EPOP: variants seen among roughly 807,000 people sequenced by gnomAD.
The protein encoded by EPOP is elongin BC and polycomb repressive complex 2 associated protein.
In EPOP, 14 loss-of-function variants were observed where a neutral mutation model predicts 18.2. That is an observed-to-expected ratio of 0.77 (90% CI 0.51 to 1.20). The LOEUF (loss-of-function observed/expected upper bound fraction) is 1.20. Ranked by LOEUF, EPOP falls within the 50% of genes most tolerant of loss-of-function variation. The pLI is 0.00. For missense variants in EPOP, 527 were observed against 577.2 expected (o/e 0.91, Z 0.89); for synonymous variants, 252 against 274.9 (o/e 0.92, Z 0.83).
In EPOP at chr17:38,674,317, G is replaced by C; in HGVS notation, c.179C>G (p.Pro60Arg). The change falls in exon 1 of 1, where the codon CCT becomes CGT. Residue 60 changes from proline (P) to arginine (R), a missense_variant. Physicochemically the swap from Pro to Arg is moderately radical, Grantham distance 103 (BLOSUM62 -2). Transcript: ENST00000621654. The surrounding 1 kb of genome is among the most constrained non-coding windows in gnomAD (Gnocchi z 4.5). ...TGGGGACCGCGCCGCCAGCTCCCCA[G>C]GCCCCGGGCCCAGAGAGGACGCCCG... ...KPRASSLGPG[P>R]GELAARSPVL... The C allele has an allele frequency of 1.3e-6, 2 of 1,531,936 alleles. No individual in the cohort carries two copies. Among genetic ancestry groups the C allele is most frequent in the South Asian group, 1.2e-5 (1 of 83,044 alleles). 94.9% of individuals were successfully genotyped at this position (1,531,936 alleles called of 1,614,324 possible).
In EPOP at chr17:38,674,332, G is replaced by T; in HGVS notation, c.164C>A (p.Ser55Tyr). The change falls in exon 1 of 1, where the codon TCT becomes TAT. Residue 55 changes from serine to tyrosine, a missense_variant. Physicochemically the swap from Ser to Tyr is moderately radical, Grantham distance 144. Transcript: ENST00000621654. This position sits in a 1 kb window ranked among gnomAD's most constrained non-coding sequence, Gnocchi z 4.5. ...CAGCTCCCCAGGCCCCGGGCCCAGA[G>T]AGGACGCCCGGGGCTTGGCAAGGGC... ...FCALAKPRAS[S>Y]LGPGPGELAA... 2.6e-6 allele frequency: 4 copies of T among 1,537,796 alleles called. No homozygotes were observed. The highest frequency in any genetic ancestry group is 3.5e-6 in the Non-Finnish European group (4 of 1,144,992).
rs1422955524 is a variant in EPOP at position 38,673,590 on chromosome 17, GCGGCGGGGC to G, written c.897_905del (p.Gln299_Arg302delinsHis). On this transcript the variant is annotated inframe_deletion, in exon 1 of 1. Coordinates refer to ENST00000621654, the MANE Select transcript of EPOP (RefSeq NM_001130677.2). Reference sequence around the variant, plus strand: ...TCGTGGTGGGGAGCGTCGGTGCAGGGCGGCGGGGCTGCGCGGTGCGCGGAGGGGGCGCCG... The same window carrying G: ...TCGTGGTGGGGAGCGTCGGTGCAGGGTGCGCGGTGCGCGGAGGGGGCGCCG... The G allele has an allele frequency of 5.5e-5, 82 of 1,479,114 alleles. No homozygotes were observed. Among genetic ancestry groups the G allele is most frequent in the Non-Finnish European group, 6.6e-5 (74 of 1,118,794 alleles). 91.6% of individuals were successfully genotyped at this position (1,479,114 alleles called of 1,614,324 possible). A position where few individuals can be genotyped will look rare whatever the true frequency, so the allele number is the denominator to read the frequency against.
At position 38,673,452 on chromosome 17, in the gene EPOP, C is replaced by CGGGGG; in HGVS notation, c.1039_1043dup (p.Ala350ArgfsTer75). ...GCCACCTCCACAGCGGGTGGGCGGG[C>CGGGGG]GGGGGCTTAGAGTCTCCCTGGAGGC... On this transcript the variant is annotated frameshift_variant, in exon 1 of 1. Coordinates refer to ENST00000621654, the MANE Select transcript of EPOP (RefSeq NM_001130677.2). LOFTEE classifies it high-confidence loss of function. 1 of 535,570 alleles carries CGGGGG rather than the reference C, an allele frequency of 1.9e-6. No individual in the cohort carries two copies. 33.2% of individuals were successfully genotyped at this position (535,570 alleles called of 1,614,324 possible).
In EPOP at chr17:38,673,826, C is replaced by T. The variant is rs1035221389; in HGVS notation, c.670G>A (p.Ala224Thr). The change falls in exon 1 of 1, where the codon GCG becomes ACG. Residue 224 changes from alanine to threonine, a missense_variant. Coordinates refer to ENST00000621654, the MANE Select transcript of EPOP (RefSeq NM_001130677.2). ...NPPPAAPEAP[A>T]ASPSTASPAP... The stretch of plus-strand genomic sequence containing the variant: ...GGGCTGGCCGTCGAGGGGCTGGCCG[C>T]TGGAGCCTCGGGGGCGGCCGGCGGG... 1 of 1,497,724 alleles carries T rather than the reference C, an allele frequency of 6.7e-7. No individual in the cohort carries two copies. Among genetic ancestry groups the T allele is most frequent in the African/African-American group, 1.5e-5 (1 of 68,362 alleles). 92.8% of individuals were successfully genotyped at this position (1,497,724 alleles called of 1,614,324 possible). A position where few individuals can be genotyped will look rare whatever the true frequency, so the allele number is the denominator to read the frequency against.
In EPOP at chr17:38,673,056, G is replaced by A; in HGVS notation, c.*300C>T. The A allele has an allele frequency of 2.8e-6, 1 of 355,640 alleles. No homozygotes were observed. The highest frequency in any genetic ancestry group is 1.0e-4 in the South Asian group (1 of 9,810). The allele number at this position is 355,640 out of a possible 1,614,324, so 22.0% of individuals were successfully genotyped here. ...GTGTCTTTGAGCGGTGGCCTCCTTTGCTCCCACTGGGGTGCAGGCCCTGCC... is the reference window on the plus strand; with the variant it reads ...GTGTCTTTGAGCGGTGGCCTCCTTTACTCCCACTGGGGTGCAGGCCCTGCC... On this transcript the variant is annotated 3_prime_UTR_variant, in exon 1 of 1. Transcript: ENST00000621654.
At position 38,673,132 on chromosome 17, in the gene EPOP, C is replaced by G. The variant is rs961795271; in HGVS notation, c.*224G>C. On this transcript the variant is annotated 3_prime_UTR_variant, in exon 1 of 1. Coordinates refer to ENST00000621654, the MANE Select transcript of EPOP (RefSeq NM_001130677.2). ...CAGGGATTGGAATCTATGTCATCAG[C>G]CTTCTCCCGACTCCAGCCCTGGGTT... 6 of 654,164 alleles carry G rather than the reference C, an allele frequency of 9.2e-6. No homozygotes were observed. Among genetic ancestry groups the G allele is most frequent in the Admixed American group, 8.2e-5 (2 of 24,264 alleles). 40.5% of individuals were successfully genotyped at this position (654,164 alleles called of 1,614,324 possible).
rs1299428212 is a variant in EPOP at position 38,672,968 on chromosome 17, A to C, written c.*388T>G. 1.8e-5 allele frequency: 3 copies of C among 170,942 alleles called. No homozygotes were observed. The highest frequency in any genetic ancestry group is 3.7e-5 in the Non-Finnish European group (3 of 81,114). The allele number at this position is 170,942 out of a possible 1,614,324, so 10.6% of individuals were successfully genotyped here. A position where few individuals can be genotyped will look rare whatever the true frequency, so the allele number is the denominator to read the frequency against. On this transcript the variant is annotated 3_prime_UTR_variant, in exon 1 of 1. Coordinates refer to ENST00000621654, the MANE Select transcript of EPOP (RefSeq NM_001130677.2). ...GCACCCCAGGCTCGCCCACAGACAC[A>C]GTAACAACCGGTTTGTCCATCACCG...
chr17:38,672,190 C>CAA lies in EPOP; in HGVS notation c.*1165_*1166insTT, dbSNP rs1910967241. 2 of 152,314 alleles carry CAA rather than the reference C, an allele frequency of 1.3e-5. No individual in the cohort carries two copies. Among genetic ancestry groups the CAA allele is most frequent in the Non-Finnish European group, 2.9e-5 (2 of 68,118 alleles). The allele number at this position is 152,314 out of a possible 1,614,324, so 9.4% of individuals were successfully genotyped here. ...CTGACAACTCCCGCAATCCCTGAGG[C>CAA]TGGGGTGTTGCGGGGGGAAGCTTAA... On this transcript the variant is annotated 3_prime_UTR_variant, in exon 1 of 1. Coordinates refer to ENST00000621654, the MANE Select transcript of EPOP (RefSeq NM_001130677.2).
chr17:38,673,841 C>T lies in EPOP; in HGVS notation c.655G>A (p.Ala219Thr). The T allele has an allele frequency of 1.3e-6, 2 of 1,486,096 alleles. No individual in the cohort carries two copies. Among genetic ancestry groups the T allele is most frequent in the Non-Finnish European group, 1.8e-6 (2 of 1,117,800 alleles). 92.1% of individuals were successfully genotyped at this position (1,486,096 alleles called of 1,614,324 possible). ...AEVDGNPPPAAPEAPAASPST... is the reference protein window; with the variant it reads ...AEVDGNPPPATPEAPAASPST... ...GGGCTGGCCGCTGGAGCCTCGGGGGCGGCCGGCGGGGGGTTTCCATCGACT... is the reference window on the plus strand; with the variant it reads ...GGGCTGGCCGCTGGAGCCTCGGGGGTGGCCGGCGGGGGGTTTCCATCGACT... The change falls in exon 1 of 1, where the codon GCC becomes ACC. Residue 219 changes from alanine to threonine, a missense_variant. Coordinates refer to ENST00000621654, the MANE Select transcript of EPOP (RefSeq NM_001130677.2).
In EPOP at chr17:38,673,462, G is replaced by A; in HGVS notation, c.1034C>T (p.Ser345Phe). 6.5e-7 allele frequency: 1 copy of A among 1,536,178 alleles called. No homozygotes were observed. The highest frequency in any genetic ancestry group is 8.8e-7 in the Non-Finnish European group (1 of 1,141,730). The change falls in exon 1 of 1, where the codon TCT becomes TTT. Residue 345 changes from serine (S) to phenylalanine (F), a missense_variant. Coordinates refer to ENST00000621654, the MANE Select transcript of EPOP (RefSeq NM_001130677.2). Reference sequence around the variant, plus strand: ...CAGCGGGTGGGCGGGCGGGGGCTTAGAGTCTCCCTGGAGGCGAAGCGAGGA... The same window carrying A: ...CAGCGGGTGGGCGGGCGGGGGCTTAAAGTCTCCCTGGAGGCGAAGCGAGGA... Reference protein sequence around the residue: ...PASSLRLQGDSKPPPAHPLWR... With the variant: ...PASSLRLQGDFKPPPAHPLWR...
Position 38,674,743 on chromosome 17 carries a change from T to G in EPOP, c.-248A>C. On this transcript the variant is annotated 5_prime_UTR_variant, in exon 1 of 1. Transcript: ENST00000621654. This position sits in a 1 kb window ranked among gnomAD's most constrained non-coding sequence, Gnocchi z 4.5. ...GTCCCGGCGGGGTCGGCCGCCCTTC[T>G]GCCGCCGCGTCCCCTTCGCAACCCC... is the stretch of plus-strand genomic sequence containing the variant. 2.9e-6 allele frequency: 1 copy of G among 348,428 alleles called. No individual in the cohort carries two copies. Among genetic ancestry groups the G allele is most frequent in the Non-Finnish European group, 5.1e-6 (1 of 195,202 alleles). The allele number at this position is 348,428 out of a possible 1,614,324, so 21.6% of individuals were successfully genotyped here. A position where few individuals can be genotyped will look rare whatever the true frequency, so the allele number is the denominator to read the frequency against.
chr17:38,674,381 A>G lies in EPOP; in HGVS notation c.115T>C (p.Cys39Arg). 6.5e-7 allele frequency: 1 copy of G among 1,543,766 alleles called. No homozygotes were observed. Among genetic ancestry groups the G allele is most frequent in the Non-Finnish European group, 8.7e-7 (1 of 1,146,222 alleles). The change falls in exon 1 of 1, where the codon TGC becomes CGC. Residue 39 changes from cysteine to arginine, a missense_variant. Coordinates refer to ENST00000621654, the MANE Select transcript of EPOP (RefSeq NM_001130677.2). This position sits in a 1 kb window ranked among gnomAD's most constrained non-coding sequence, Gnocchi z 4.5. Reference sequence around the variant, plus strand: ...GCGCAGAAGGCGAGGGCACGCAGGCACAGCGGAGAGAATTCCTGGGTCCCC... The same window carrying G: ...GCGCAGAAGGCGAGGGCACGCAGGCGCAGCGGAGAGAATTCCTGGGTCCCC... ...CRGTQEFSPL[C>R]LRALAFCALA... is the part of the protein sequence containing the mutation.
Position 38,674,618 on chromosome 17 carries a change from C to G in EPOP, c.-123G>C. 1.9e-6 allele frequency: 2 copies of G among 1,029,838 alleles called. No homozygotes were observed. The highest frequency in any genetic ancestry group is 2.6e-6 in the Non-Finnish European group (2 of 759,882). The allele number at this position is 1,029,838 out of a possible 1,614,324, so 63.8% of individuals were successfully genotyped here. On this transcript the variant is annotated 5_prime_UTR_variant, in exon 1 of 1. Coordinates refer to ENST00000621654, the MANE Select transcript of EPOP (RefSeq NM_001130677.2). The surrounding 1 kb of genome is among the most constrained non-coding windows in gnomAD (Gnocchi z 4.5). Reference sequence around the variant, plus strand: ...CCGTCGACGGGGAGGTCTCTGCTCACGGGCGCCCCCGGCCCGCCACCCGGG... The same window carrying G: ...CCGTCGACGGGGAGGTCTCTGCTCAGGGGCGCCCCCGGCCCGCCACCCGGG...
In EPOP at chr17:38,674,413, G is replaced by A. The variant is rs953824250; in HGVS notation, c.83C>T (p.Pro28Leu). The change falls in exon 1 of 1, where the codon CCG (proline) becomes CTG (leucine). Residue 28 changes from proline to leucine, a missense_variant. Transcript: ENST00000621654. This position sits in a 1 kb window ranked among gnomAD's most constrained non-coding sequence, Gnocchi z 4.5. The part of the protein sequence containing the change: ...GSPCSPTPRK[P>L]CRGTQEFSPL... ...AGAGAATTCCTGGGTCCCCCGACAC[G>A]GCTTCCGGGGCGTGGGGGAGCAGGG... 6.5e-7 allele frequency: 1 copy of A among 1,542,926 alleles called. No homozygotes were observed. The highest frequency in any genetic ancestry group is 2.0e-5 in the Admixed American group (1 of 50,916).
In EPOP at chr17:38,672,302, A is replaced by G. The variant is rs1289058711; in HGVS notation, c.*1054T>C. 1 of 152,068 alleles carries G rather than the reference A, an allele frequency of 6.6e-6. No homozygotes were observed. Among genetic ancestry groups the G allele is most frequent in the Non-Finnish European group, 1.5e-5 (1 of 68,040 alleles). The allele number at this position is 152,068 out of a possible 1,614,324, so 9.4% of individuals were successfully genotyped here. The stretch of plus-strand genomic sequence containing the variant: ...TTGAAGTTAGGCCAAGAGTCCTTTC[A>G]TTTACCACCTCTGCAAAGTGCAGCT... On this transcript the variant is annotated 3_prime_UTR_variant, in exon 1 of 1. Coordinates refer to ENST00000621654, the MANE Select transcript of EPOP (RefSeq NM_001130677.2).
rs2143611826 is a variant in EPOP at position 38,674,837 on chromosome 17, A to G, written c.-342T>C. On this transcript the variant is annotated 5_prime_UTR_variant, in exon 1 of 1. Coordinates refer to ENST00000621654, the MANE Select transcript of EPOP (RefSeq NM_001130677.2). The surrounding 1 kb of genome is among the most constrained non-coding windows in gnomAD (Gnocchi z 4.5). ...AAACAAAGCGGCCGGCGGCCGCGGGAGGCGGGAAGGACCCCGGGCCCGGCA... is the reference window on the plus strand; with the variant it reads ...AAACAAAGCGGCCGGCGGCCGCGGGGGGCGGGAAGGACCCCGGGCCCGGCA... 4.9e-6 allele frequency: 1 copy of G among 205,412 alleles called. No individual in the cohort carries two copies. The highest frequency in any genetic ancestry group is 9.8e-6 in the Non-Finnish European group (1 of 102,506). 12.7% of individuals were successfully genotyped at this position (205,412 alleles called of 1,614,324 possible). A position where few individuals can be genotyped will look rare whatever the true frequency, so the allele number is the denominator to read the frequency against.
At position 38,674,025 on chromosome 17, in the gene EPOP, CG is replaced by C; in HGVS notation, c.470del (p.Pro157ArgfsTer92). 2 of 1,386,942 alleles carry C rather than the reference CG, an allele frequency of 1.4e-6. No individual in the cohort carries two copies. Among genetic ancestry groups the C allele is most frequent in the Non-Finnish European group, 9.2e-7 (1 of 1,081,554 alleles). 85.9% of individuals were successfully genotyped at this position (1,386,942 alleles called of 1,614,324 possible). On this transcript the variant is annotated frameshift_variant, in exon 1 of 1. Transcript: ENST00000621654. LOFTEE classifies it high-confidence loss of function. The surrounding 1 kb of genome is among the most constrained non-coding windows in gnomAD (Gnocchi z 4.5). ...GCTCGAGACCCGGGGCCGGGCGAGGCGGGGCCGAGGCGAAGCTGGTCGTAGA... is the reference window on the plus strand; with the variant it reads ...GCTCGAGACCCGGGGCCGGGCGAGGCGGGCCGAGGCGAAGCTGGTCGTAGA... ...RESTTSFASA[P>X]PRPAPGLEPQ...
Position 38,673,620 on chromosome 17 carries a change from C to T in EPOP, c.876G>A (p.Ala292=), listed in dbSNP as rs1315538222. The T allele has an allele frequency of 1.3e-6, 2 of 1,512,628 alleles. No individual in the cohort carries two copies. The highest frequency in any genetic ancestry group is 1.5e-5 in the African/African-American group (1 of 68,620). The allele number at this position is 1,512,628 out of a possible 1,614,324, so 93.7% of individuals were successfully genotyped here. The stretch of plus-strand genomic sequence containing the variant: ...GGGGCTGCGCGGTGCGCGGAGGGGG[C>T]GCCGGCAGCCGGCGTTTCTTGGCGG... ...RGAAKKRRLP[A]PPPRTAQPRR... The change falls in exon 1 of 1, where the codon GCG becomes GCA. Residue 292 remains alanine (A), a synonymous_variant. Coordinates refer to ENST00000621654, the MANE Select transcript of EPOP (RefSeq NM_001130677.2).
rs1165924619 is a variant in EPOP at position 38,672,811 on chromosome 17, A to G, written c.*545T>C. On this transcript the variant is annotated 3_prime_UTR_variant, in exon 1 of 1. Transcript: ENST00000621654. ...TCCTCTTACCCAAGTTCCCTCACCCATTAAAGGCTCCAGCGGTGCTTGGAG... is the reference window on the plus strand; with the variant it reads ...TCCTCTTACCCAAGTTCCCTCACCCGTTAAAGGCTCCAGCGGTGCTTGGAG... 6.6e-6 allele frequency: 1 copy of G among 152,484 alleles called. No homozygotes were observed. The highest frequency in any genetic ancestry group is 2.4e-5 in the African/African-American group (1 of 41,442). 9.4% of individuals were successfully genotyped at this position (152,484 alleles called of 1,614,324 possible).
Sources: gnomAD v4.1 joint callset for allele counts on GRCh38, gnomAD v4.1.1 for gene constraint, Gnocchi (gnomAD v3.1) non-coding constraint, MANE v1.5 for transcripts, NCBI Gene and HGNC (gene_info 2026-07-23, HGNC 2026-07-21) for gene names.